EFNA5: variants seen among roughly 807,000 people sequenced by gnomAD.
EFNA5 encodes the protein ephrin-A5.
In EFNA5, 5 loss-of-function variants were observed where a neutral mutation model predicts 22.9. The observed-to-expected ratio is 0.22, with a 90% CI of 0.11 to 0.46. The LOEUF is 0.46. Among genes scored for constraint, EFNA5 ranks in the 20% least tolerant of loss-of-function variants. EFNA5 has a pLI of 0.99. For synonymous variants in EFNA5, 113 were observed against 112.2 expected (o/e 1.01, Z -0.04); for missense variants, 237 against 293.3 (o/e 0.81, Z 1.40).
At chr5:107,407,055 T>C (rs770133770) in intron 2 of EFNA5, among the ~76,000 whole-genome samples, 1 of 152,258 alleles carries the variant, frequency 6.6e-6, no homozygotes, top group Non-Finnish European at 1.5e-5. Context: ...ACTAGGTTTT[T>C]CTTCACATTT....
At chr5:107,463,376 A>T (rs1749885874) in intron 1 of EFNA5, among the ~76,000 whole-genome samples, 1 of 152,102 alleles carries the variant, frequency 6.6e-6, no homozygotes, top group Non-Finnish European at 1.5e-5. Context: ...GTACTTTAAA[A>T]TATATATATT....
chr5:107,527,149 C>G (rs1747711490), intron 1 of EFNA5, among the ~76,000 whole-genome samples: 1 of 152,072 alleles, frequency 6.6e-6, no homozygotes, highest in South Asian at 2.1e-4. Flanking sequence ...AGCCAGAAAA[C>G]CAAAACATCC....
In EFNA5 at chr5:107,559,860, T is replaced by C. The variant is rs147986595; in HGVS notation, c.125+110629A>G. ...TGGGGAGTTTATTTGCTTTAAAAAA[T>C]ACTTCTTGCTGGATGCTTTCCCCCC... On this transcript the variant is annotated intron_variant, in intron 1 of 4. Transcript: ENST00000333274. 1.1e-3 allele frequency among the ~76,000 whole-genome samples: 168 copies of C among 152,294 alleles called. 3 individuals are homozygous for C. In the East Asian group the frequency reaches 0.031, roughly 29 times the overall value.
intron 1 of EFNA5, among the ~76,000 whole-genome samples, chr5:107,655,452 T>C (rs1750802139): frequency 1.3e-5 from 2 of 152,126 alleles, no homozygotes; most frequent in Admixed American, 1.3e-4. Flanking sequence ...GAGTTCACAG[T>C]GTTCTTTCAA....
chr5:107,451,768 TG>T, intron 1 of EFNA5, among the ~76,000 whole-genome samples: 1 of 152,278 alleles, frequency 6.6e-6, no homozygotes, highest in South Asian at 2.1e-4. Flanking sequence ...GCTTTTCCAC[TG>T]TTGGTAGGAG....
chr5:107,614,050 C>T (rs1561449779), intron 1 of EFNA5, among the ~76,000 whole-genome samples: 1 of 152,148 alleles, frequency 6.6e-6, no homozygotes, highest in East Asian at 1.9e-4. Context: ...CCTGTTCCTA[C>T]TCACCATCTA....
At chr5:107,487,984 GA>G (rs1746689707) in intron 1 of EFNA5, among the ~76,000 whole-genome samples, 1 of 152,196 alleles carries the variant, frequency 6.6e-6, no homozygotes, top group Non-Finnish European at 1.5e-5. Context: ...ATGGAAATGT[GA>G]AAATAGAAAT....
At chr5:107,595,348 C>A (rs1749452210) in intron 1 of EFNA5, among the ~76,000 whole-genome samples, 1 of 152,164 alleles carries the variant, frequency 6.6e-6, no homozygotes, top group South Asian at 2.1e-4. Flanking sequence ...TACTATACAA[C>A]AAGGGGCTCA....
intron 1 of EFNA5, among the ~76,000 whole-genome samples, chr5:107,492,910 G>T (rs1258337485): frequency 6.6e-6 from 1 of 151,514 alleles, no homozygotes; most frequent in Non-Finnish European, 1.5e-5. Flanking sequence ...GAGGTAGGAG[G>T]ATCGCTTGAA....
chr5:107,494,079 C>T (rs983355464), intron 1 of EFNA5, among the ~76,000 whole-genome samples: 1 of 152,216 alleles, frequency 6.6e-6, no homozygotes, highest in Non-Finnish European at 1.5e-5. Flanking sequence ...GAGATGACGG[C>T]GTGCTGGCAG....
intron 1 of EFNA5, among the ~76,000 whole-genome samples, chr5:107,470,606 C>G (rs1179193021): frequency 6.6e-6 from 1 of 152,156 alleles, no homozygotes; most frequent in Non-Finnish European, 1.5e-5. Flanking sequence ...TAAAATGTGC[C>G]TCTAAATTCT....
intron 1 of EFNA5, among the ~76,000 whole-genome samples, chr5:107,648,191 G>C (rs1362118037): frequency 2.0e-5 from 3 of 152,020 alleles, no homozygotes; most frequent in Non-Finnish European, 1.5e-5. Flanking sequence ...ATTAAAGCAA[G>C]TTTTGAAAAG....
chr5:107,482,832 GTCTC>G lies in EFNA5; in HGVS notation c.126-55327_126-55324del, dbSNP rs59574940. 8.8e-3 allele frequency among the ~76,000 whole-genome samples: 827 copies of G among 93,828 alleles called. 12 individuals carry two copies. Among genetic ancestry groups the G allele is most frequent in the Admixed American group, 0.036 (329 of 9,232 alleles). 61.6% of individuals were successfully genotyped at this position (93,828 alleles called of 152,430 possible). ...TCTCTCTGTCTCTCTCTCTGTCTCTGTCTCTCTCTCTCTCTCTCTCTCTCTCTCT... is the reference window on the plus strand; with the variant it reads ...TCTCTCTGTCTCTCTCTCTGTCTCTGTCTCTCTCTCTCTCTCTCTCTCTCT... On this transcript the variant is annotated intron_variant, in intron 1 of 4. Coordinates refer to ENST00000333274, the MANE Select transcript of EFNA5 (RefSeq NM_001962.3).
intron 1 of EFNA5, among the ~76,000 whole-genome samples, chr5:107,658,873 G>A (rs954772023): frequency 3.3e-5 from 5 of 152,076 alleles, no homozygotes; most frequent in Non-Finnish European, 5.9e-5. Flanking sequence ...ATTACTAACC[G>A]AATGCTTCAT....
intron 1 of EFNA5, among the ~76,000 whole-genome samples, chr5:107,543,049 A>C (rs1748078531): frequency 6.6e-6 from 1 of 152,228 alleles, no homozygotes; most frequent in Non-Finnish European, 1.5e-5. Context: ...CACTATTGCC[A>C]CACAGCCTGG....
At chr5:107,497,978 C>T (rs762663213) in intron 1 of EFNA5, among the ~76,000 whole-genome samples, 2 of 152,162 alleles carry the variant, frequency 1.3e-5, no homozygotes, top group Admixed American at 6.5e-5. Flanking sequence ...TGCAGTGGCG[C>T]GATCTCGGCT....
intron 4 of EFNA5, among the ~76,000 whole-genome samples, chr5:107,385,425 C>A (rs1411389946): frequency 6.6e-6 from 1 of 152,190 alleles, no homozygotes; most frequent in Non-Finnish European, 1.5e-5. Flanking sequence ...TGCCTACATT[C>A]TGCACAATGT....
chr5:107,611,728 T>C (rs1276339114), intron 1 of EFNA5, among the ~76,000 whole-genome samples: 1 of 152,222 alleles, frequency 6.6e-6, no homozygotes, highest in Non-Finnish European at 1.5e-5. Flanking sequence ...TTTCAACTGG[T>C]TCCAAAGATA....
chr5:107,613,093 G>C (rs760212432), intron 1 of EFNA5, among the ~76,000 whole-genome samples: 7 of 150,782 alleles, frequency 4.6e-5, no homozygotes, highest in Non-Finnish European at 8.9e-5. Context: ...ATTTTCTTTC[G>C]CAATAAAAAA....
Sources: allele counts gnomAD v4.1 joint callset (sites outside exome capture counted in the v4.1 genomes callset), GRCh38; gene constraint gnomAD v4.1.1; transcripts MANE v1.5; gene names NCBI Gene and HGNC (gene_info 2026-07-23, HGNC 2026-07-21).